Variants in UHRF2 observed in about 807,000 individuals in gnomAD.
The protein encoded by UHRF2 is E3 ubiquitin-protein ligase UHRF2.
A neutral mutation model predicts 96.8 loss-of-function variants in UHRF2; 23 were observed. That is an observed-to-expected ratio of 0.24 (90% confidence interval 0.17 to 0.34). UHRF2 has a LOEUF of 0.34. Among genes scored for constraint, UHRF2 ranks in the 10% least tolerant of loss-of-function variants. The probability of loss-of-function intolerance (pLI) is 1.00; values close to 1 mark genes in which losing one functional copy is unlikely to be tolerated. For synonymous variants in UHRF2, 385 were observed against 332.6 expected, an observed-to-expected ratio of 1.16 and a Z score of -1.72; for missense variants, 685 against 981.5, an observed-to-expected ratio of 0.70 and a Z score of 4.04.
At chr9:6,427,653 C>T (rs1820333279) in intron 2 of UHRF2, among the ~76,000 whole-genome samples, 1 of 152,154 alleles carries the variant, frequency 6.6e-6, no homozygotes, top group Non-Finnish European at 1.5e-5. Context: ...CCACTGCACT[C>T]CTGCCTGGGT....
At chr9:6,433,318 T>C (rs1404993421) in intron 2 of UHRF2, among the ~76,000 whole-genome samples, 1 of 152,250 alleles carries the variant, frequency 6.6e-6, no homozygotes, top group Non-Finnish European at 1.5e-5. Context: ...TGTTCATTTT[T>C]ATATTTTATC....
chr9:6,485,814 AAAAAAAAAAAAAAAC>A (rs993524812), intron 8 of UHRF2, among the ~76,000 whole-genome samples: 6 of 128,486 alleles, frequency 4.7e-5, no homozygotes, highest in African/African-American at 2.3e-4. Context: ...AAAAAAAAAA[AAAAAAAAAAAAAAAC>A]AAAACCCAAA....
intron 3 of UHRF2, among the ~76,000 whole-genome samples, chr9:6,456,173 G>A (rs979472411): frequency 1.3e-5 from 2 of 152,076 alleles, no homozygotes; most frequent in African/African-American, 4.8e-5. Context: ...CTAGAGAGCT[G>A]GCTACATGTA....
chr9:6,424,174 T>C (rs1178401529), intron 2 of UHRF2, among the ~76,000 whole-genome samples: 1 of 152,184 alleles, frequency 6.6e-6, no homozygotes, highest in Non-Finnish European at 1.5e-5. Context: ...AGCCTATGGA[T>C]ACCTGGGAGA....
intron 2 of UHRF2, among the ~76,000 whole-genome samples, chr9:6,423,185 A>G (rs1430931695): frequency 6.6e-6 from 1 of 152,254 alleles, no homozygotes; most frequent in Admixed American, 6.5e-5. Flanking sequence ...ATATAGAAAG[A>G]TTAAGAAGAG....
intron 2 of UHRF2, among the ~76,000 whole-genome samples, chr9:6,425,446 T>G (rs1310631669): frequency 2.0e-5 from 3 of 152,164 alleles, no homozygotes; most frequent in Non-Finnish European, 2.9e-5. Flanking sequence ...CAAGGTTCCC[T>G]GTTTCCTTTA....
At position 6,468,248 on chromosome 9, in the gene UHRF2, C is replaced by T. The variant is rs985143602; in HGVS notation, c.864-7143C>T. On this transcript the variant is annotated intron_variant, in intron 4 of 15. Transcript: ENST00000276893. The stretch of plus-strand genomic sequence containing the variant: ...TGTGCATAAAGAGTGTCTTGATAAG[C>T]CTTTAACAAAAATGGTACATAAGTG... The T allele has an allele frequency of 6.2e-5, 22 of 352,782 alleles. No homozygotes were observed. The Admixed American group carries it at 7.1e-4, about 11-fold the overall frequency. 21.9% of individuals were successfully genotyped at this position (352,782 alleles called of 1,614,324 possible).
chr9:6,431,056 C>A (rs555808118), intron 2 of UHRF2, among the ~76,000 whole-genome samples: 6 of 152,178 alleles, frequency 3.9e-5, no homozygotes, highest in South Asian at 4.1e-4. Context: ...ATGGCAGGAT[C>A]TTCTGTGTTC....
chr9:6,416,573 C>T (rs1375822195), intron 1 of UHRF2, among the ~76,000 whole-genome samples: 10 of 114,730 alleles, frequency 8.7e-5, no homozygotes, highest in African/African-American at 3.0e-4. Flanking sequence ...GACGGAGTCT[C>T]GTTCTGTCGC....
At chr9:6,491,236 T>G (rs1824640011) in intron 9 of UHRF2, among the ~76,000 whole-genome samples, 1 of 152,224 alleles carries the variant, frequency 6.6e-6, no homozygotes, top group African/African-American at 2.4e-5. Context: ...CTGTTTGGTT[T>G]TGTGTCCTGG....
chr9:6,464,938 G>A (rs1240138925), intron 4 of UHRF2, among the ~76,000 whole-genome samples: 1 of 151,976 alleles, frequency 6.6e-6, no homozygotes, highest in African/African-American at 2.4e-5. Context: ...TTTGATCTTG[G>A]ACTCAGTAGC....
At chr9:6,471,155 A>G (rs900242939) in intron 4 of UHRF2, among the ~76,000 whole-genome samples, 1 of 152,210 alleles carries the variant, frequency 6.6e-6, no homozygotes, top group East Asian at 1.9e-4. Context: ...TAAATTATCT[A>G]ATTCACAAAC....
intron 14 of UHRF2, among the ~76,000 whole-genome samples, chr9:6,502,743 A>G (rs1417710289): frequency 6.6e-6 from 1 of 152,174 alleles, no homozygotes; most frequent in Non-Finnish European, 1.5e-5. Context: ...TATTAGATAT[A>G]CCCGTATTAT....
At chr9:6,442,239 C>T (rs1017249694) in intron 3 of UHRF2, among the ~76,000 whole-genome samples, 1 of 152,202 alleles carries the variant, frequency 6.6e-6, no homozygotes, top group African/African-American at 2.4e-5. Context: ...GCTGGGATTA[C>T]AGGTGTGAGC....
Position 6,434,872 on chromosome 9 carries a change from A to G in UHRF2, c.644+699A>G, listed in dbSNP as rs1007035939. ...TGGGGACCGGGTCCCACTTTGTTGC[A>G]CATACTGGAGTACAGCAATGTGATC... On this transcript the variant is annotated intron_variant, in intron 3 of 15. Transcript: ENST00000276893. Among the ~76,000 whole-genome samples, 19 of 152,122 alleles carry G rather than the reference A, an allele frequency of 1.2e-4. No individual in the cohort carries two copies. The South Asian group carries it at 1.9e-3, about 15-fold the overall frequency.
At chr9:6,473,228 A>C (rs1289325338) in intron 4 of UHRF2, among the ~76,000 whole-genome samples, 1 of 152,232 alleles carries the variant, frequency 6.6e-6, no homozygotes, top group Non-Finnish European at 1.5e-5. Flanking sequence ...AAGATGAGAC[A>C]ATTTGAACAT....
chr9:6,413,907 A>G, intron 1 of UHRF2: 1 of 345,450 alleles, frequency 2.9e-6, no homozygotes, highest in Non-Finnish European at 5.1e-6. Flanking sequence ...CGCCGTTTGT[A>G]TTTGGTAGGA....
intron 3 of UHRF2, among the ~76,000 whole-genome samples, chr9:6,450,160 C>G: frequency 6.6e-6 from 1 of 152,114 alleles, no homozygotes; most frequent in South Asian, 2.1e-4. Flanking sequence ...CCCAATGATT[C>G]CTTAACATCA....
At chr9:6,468,854 T>TA in intron 4 of UHRF2, 1 of 364,488 alleles carries the variant, frequency 2.7e-6, no homozygotes, top group South Asian at 2.1e-5. Flanking sequence ...TTAAAGACTG[T>TA]AAACCAGCCT....
Sources: allele counts gnomAD v4.1 joint callset (sites outside exome capture counted in the v4.1 genomes callset), GRCh38; gene constraint gnomAD v4.1.1; transcripts MANE v1.5; gene names NCBI Gene and HGNC (gene_info 2026-07-23, HGNC 2026-07-21).